The following TAB2 variants were observed in gnomAD, a reference collection of about 807,000 sequenced individuals.
The protein encoded by TAB2 is TGF-beta-activated kinase 1 and MAP3K7-binding protein 2.
Under a neutral mutation model 65.0 loss-of-function variants are expected in TAB2, and 3 were observed. The observed-to-expected ratio is 0.05, with a 90% confidence interval of 0.02 to 0.12. TAB2 has a LOEUF of 0.12. TAB2 is among the 10% of genes least tolerant of loss of function. TAB2 has a pLI of 1.00. For missense variants in TAB2, 623 were observed against 840.3 expected (o/e 0.74, Z 3.20); for synonymous variants, 298 against 285.1 (o/e 1.05, Z -0.46).
intron 6 of TAB2, chr6:149,400,904 A>G (rs237023): frequency 1 from 542,667 of 543,030 alleles, 271,152 homozygotes; most frequent in East Asian, 1. Flanking sequence ...AGCCAATGGT[A>G]TGTTTTGATT....
chr6:149,266,355 A>G (rs1159675332), intron 1 of TAB2, among the ~76,000 whole-genome samples: 2 of 152,182 alleles, frequency 1.3e-5, no homozygotes, highest in Non-Finnish European at 2.9e-5. Context: ...ATTCTGGTCC[A>G]CTTGGCAGAC....
chr6:149,254,667 C>T (rs978955981), intron 1 of TAB2, among the ~76,000 whole-genome samples: 1 of 152,222 alleles, frequency 6.6e-6, no homozygotes. Context: ...TGTCACTTCT[C>T]ACTTTTCCCC....
intron 1 of TAB2, among the ~76,000 whole-genome samples, chr6:149,268,824 TA>T (rs1200691264): frequency 2.0e-5 from 3 of 152,244 alleles, no homozygotes; most frequent in Non-Finnish European, 4.4e-5. Context: ...GCTTGTGTAA[TA>T]AAAACTTGTT....
At chr6:149,326,931 C>T (rs1462324640) in intron 1 of TAB2, among the ~76,000 whole-genome samples, 1 of 152,190 alleles carries the variant, frequency 6.6e-6, no homozygotes, top group East Asian at 1.9e-4. Flanking sequence ...AACATTTTCA[C>T]ATCCTTTTGG....
intron 6 of TAB2, among the ~76,000 whole-genome samples, chr6:149,408,721 T>C (rs1782746271): frequency 6.6e-6 from 1 of 152,164 alleles, no homozygotes; most frequent in Non-Finnish European, 1.5e-5. Context: ...TTTTAAGTAG[T>C]TTTATAAATG....
intron 1 of TAB2, among the ~76,000 whole-genome samples, chr6:149,368,847 G>A (rs1476898219): frequency 6.6e-6 from 1 of 152,062 alleles, no homozygotes; most frequent in Admixed American, 6.6e-5. Context: ...ATAAGTGAGC[G>A]CTTATTTTAT....
chr6:149,377,881 A>C (rs550525709), intron 2 of TAB2, 137 bp from the exon 3 acceptor site: 2 of 718,762 alleles, frequency 2.8e-6, no homozygotes, highest in South Asian at 3.7e-5. Flanking sequence ...GCATAAAAAA[A>C]CTTCTCAAAT....
chr6:149,332,822 A>G lies in TAB2; in HGVS notation c.-90+14807A>G, dbSNP rs556655884. Among the ~76,000 whole-genome samples, 11 of 152,324 alleles carry G rather than the reference A, an allele frequency of 7.2e-5. No individual in the cohort carries two copies. The East Asian group carries it at 1.7e-3, about 24-fold the overall frequency. On this transcript the variant is annotated intron_variant, in intron 1 of 6. Coordinates refer to ENST00000637181, the MANE Select transcript of TAB2 (RefSeq NM_001292034.3). ...AGCAGGTCAGTCTTAGTCACAGAGAATTTGTAGAAAGACATGTCTCCTGAG... is the reference window on the plus strand; with the variant it reads ...AGCAGGTCAGTCTTAGTCACAGAGAGTTTGTAGAAAGACATGTCTCCTGAG...
At chr6:149,384,715 A>G (rs990168552) in intron 3 of TAB2, among the ~76,000 whole-genome samples, 7 of 152,346 alleles carry the variant, frequency 4.6e-5, no homozygotes, top group Admixed American at 4.6e-4. Context: ...ATCATTCAGC[A>G]TATTCTGAGA....
chr6:149,357,430 A>AAAAAACACACACACACACACAC, intron 1 of TAB2, among the ~76,000 whole-genome samples: 3 of 111,184 alleles, frequency 2.7e-5, no homozygotes, highest in Non-Finnish European at 3.6e-5. Context: ...AGAAAAAAAA[A>AAAAAACACACACACACACACAC]ACACACACAC....
intron 1 of TAB2, chr6:149,244,735 C>A (rs1777671622): frequency 6.6e-6 from 1 of 152,158 alleles, no homozygotes; most frequent in African/African-American, 2.4e-5. Flanking sequence ...AATACAAAAA[C>A]TAGCCAGGCG....
chr6:149,267,108 C>T (rs1212791146), intron 1 of TAB2, among the ~76,000 whole-genome samples: 1 of 152,012 alleles, frequency 6.6e-6, no homozygotes, highest in African/African-American at 2.4e-5. Context: ...CCAGTGAATG[C>T]CTGAATGAAA....
Position 149,253,703 on chromosome 6 carries a change from C to T in TAB2, c.-121+34927C>T, listed in dbSNP as rs931207815. Among the ~76,000 whole-genome samples the T allele has an allele frequency of 1.4e-4, 21 of 150,066 alleles. 3 individuals are homozygous for T. Among genetic ancestry groups the T allele is most frequent in the Admixed American group, 1.2e-3 (18 of 14,870 alleles). On this transcript the variant is annotated intron_variant, in intron 1 of 1. Transcript: ENST00000606202. ...CTTTGGGAGGCTGAGAGGGGCGGATCGCAAAGTCAAGAGATCGAGCCCATC... is the reference window on the plus strand; with the variant it reads ...CTTTGGGAGGCTGAGAGGGGCGGATTGCAAAGTCAAGAGATCGAGCCCATC...
chr6:149,408,024 T>A (rs1025163012), intron 6 of TAB2, among the ~76,000 whole-genome samples: 1 of 152,182 alleles, frequency 6.6e-6, no homozygotes, highest in African/African-American at 2.4e-5. Context: ...TAAAAACGTG[T>A]CAGGTGAAAA....
chr6:149,344,233 CT>C (rs1780218620), intron 1 of TAB2, among the ~76,000 whole-genome samples: 1 of 152,170 alleles, frequency 6.6e-6, no homozygotes, highest in African/African-American at 2.4e-5. Flanking sequence ...AATATCAAGT[CT>C]TAGTTATTTT....
chr6:149,303,511 A>G (rs183954464), intron 1 of TAB2, among the ~76,000 whole-genome samples: 31 of 152,340 alleles, frequency 2.0e-4, no homozygotes, highest in Admixed American at 1.6e-3. Flanking sequence ...ATATATAAAT[A>G]TAAACATACA....
intron 1 of TAB2, among the ~76,000 whole-genome samples, chr6:149,334,152 A>T (rs1393845446): frequency 2.0e-5 from 3 of 152,190 alleles, no homozygotes; most frequent in Non-Finnish European, 4.4e-5. Context: ...GGCTTTCTTG[A>T]TACCATTCTT....
At chr6:149,340,479 T>G (rs906844292) in intron 1 of TAB2, among the ~76,000 whole-genome samples, 1 of 152,156 alleles carries the variant, frequency 6.6e-6, no homozygotes, top group African/African-American at 2.4e-5. Context: ...ACTTAATATG[T>G]TTTTTTAAAA....
intron 1 of TAB2, among the ~76,000 whole-genome samples, chr6:149,304,866 A>G (rs1371008184): frequency 6.6e-6 from 1 of 152,170 alleles, no homozygotes; most frequent in East Asian, 1.9e-4. Flanking sequence ...AGTCCCTTAT[A>G]TAAAATGACA....
Sources: gnomAD v4.1 joint callset for allele counts (sites outside exome capture counted in the v4.1 genomes callset) on GRCh38, gnomAD v4.1.1 for gene constraint, MANE v1.5 for transcripts, NCBI Gene and HGNC (gene_info 2026-07-23, HGNC 2026-07-21) for gene names.